Variants in SLC44A3 observed in about 807,000 individuals in gnomAD.
The protein encoded by SLC44A3 is choline transporter-like protein 3.
SLC44A3 carries 74 observed loss-of-function variants against 75.4 expected under a neutral mutation model. The observed-to-expected ratio is 0.98, with a 90% CI of 0.81 to 1.19. SLC44A3 has a LOEUF of 1.19. Ranked by LOEUF, SLC44A3 falls within the 50% of genes most tolerant of loss-of-function variation. SLC44A3 has a pLI of 0.00. For synonymous variants in SLC44A3, 310 were observed against 296.9 expected (o/e 1.04, Z -0.45); for missense variants, 700 against 778.6 (o/e 0.90, Z 1.20).
At chr1:94,864,413 G>A (rs963806623) in intron 10 of SLC44A3, among the ~76,000 whole-genome samples, 4 of 152,222 alleles carry the variant, frequency 2.6e-5, no homozygotes, top group Admixed American at 1.3e-4. Flanking sequence ...AGATTGTGCC[G>A]CAATTAAAAT....
intron 14 of SLC44A3, among the ~76,000 whole-genome samples, chr1:94,893,762 GC>G (rs1670474907): frequency 6.6e-6 from 1 of 152,118 alleles, no homozygotes; most frequent in Non-Finnish European, 1.5e-5. Context: ...TATGTAGCTA[GC>G]CAGGTCTCCA....
At chr1:94,892,615 CTCTT>C in intron 14 of SLC44A3, 98 bp downstream of exon 14, 1 of 1,195,804 alleles carries the variant, frequency 8.4e-7, no homozygotes, top group East Asian at 2.3e-5. Context: ...CCCAGCCTCT[CTCTT>C]CTAGAGGGCT....
At position 94,895,067 on chromosome 1, in the gene SLC44A3, T is replaced by TA. The variant is rs1193704606; in HGVS notation, c.*146dup. The stretch of plus-strand genomic sequence containing the variant: ...TATTCTTCCTCATTGTCTTTGTCAT[T>TA]ATTGTTTGACCAGGTAACAATACTG... On this transcript the variant is annotated 3_prime_UTR_variant, in exon 15 of 15. Coordinates refer to ENST00000271227, the MANE Select transcript of SLC44A3 (RefSeq NM_001114106.3). 1.6e-6 allele frequency: 1 copy of TA among 615,376 alleles called. No individual in the cohort carries two copies. Among genetic ancestry groups the TA allele is most frequent in the African/African-American group, 1.8e-5 (1 of 54,094 alleles). The allele number at this position is 615,376 out of a possible 1,614,324, so 38.1% of individuals were successfully genotyped here.
chr1:94,837,864 C>T lies in SLC44A3; in HGVS notation c.663C>T (p.Leu221=), dbSNP rs748298069. 10 of 1,590,438 alleles carry T rather than the reference C, an allele frequency of 6.3e-6. No homozygotes were observed. In the Admixed American group the frequency reaches 7.4e-5, roughly 12 times the overall value. Residue 221 remains leucine (L), a synonymous_variant, in exon 6 of 15, where the codon CTC becomes CTT. Coordinates refer to ENST00000271227, the MANE Select transcript of SLC44A3 (RefSeq NM_001114106.3). Reference sequence around the variant, plus strand: ...ATACAATCCTTGGCCTGTGTATCCTCGCATTAGGTAATTCTCAGTTAAGTT... The same window carrying T: ...ATACAATCCTTGGCCTGTGTATCCTTGCATTAGGTAATTCTCAGTTAAGTT... ...GRDTILGLCI[L]ALALSLAMMF... is the part of the protein sequence containing the mutation.
Position 94,828,518 on chromosome 1 carries a change from G to T in SLC44A3, c.441G>T (p.Leu147Phe). Reference protein sequence around the residue: ...TSGSFLCVYSLNSFNYTHSPK... With the variant: ...TSGSFLCVYSFNSFNYTHSPK... ...GGTCCTTCCTGTGTGTTTATAGTTT[G>T]AATTCCTTCAACTATACCCACAGTC... The change falls in exon 5 of 15, where the codon TTG becomes TTT. Residue 147 changes from leucine (L) to phenylalanine (F), a missense_variant. Physicochemically the swap from Leu to Phe is conservative, Grantham distance 22 (BLOSUM62 0). Transcript: ENST00000271227. 6.2e-7 allele frequency: 1 copy of T among 1,613,832 alleles called. No individual in the cohort carries two copies. Among genetic ancestry groups the T allele is most frequent in the Non-Finnish European group, 8.5e-7 (1 of 1,179,872 alleles).
intron 10 of SLC44A3, among the ~76,000 whole-genome samples, chr1:94,861,443 A>G (rs1666559223): frequency 6.6e-6 from 1 of 152,250 alleles, no homozygotes; most frequent in South Asian, 2.1e-4. Flanking sequence ...ATGGGGGAAG[A>G]AAACTGCTGT....
intron 9 of SLC44A3, among the ~76,000 whole-genome samples, chr1:94,856,862 C>A (rs1025055841): frequency 1.3e-5 from 2 of 152,148 alleles, no homozygotes; most frequent in South Asian, 2.1e-4. Context: ...TTCCGAATAG[C>A]TGGAACTACA....
intron 13 of SLC44A3, 75 bp from the exon 14 acceptor site, chr1:94,892,206 C>A: frequency 7.5e-7 from 1 of 1,336,658 alleles, no homozygotes; most frequent in Non-Finnish European, 1.1e-6. Context: ...GTATATTAAA[C>A]CATTACTTGT....
intron 12 of SLC44A3, among the ~76,000 whole-genome samples, chr1:94,884,432 G>A (rs527365429): frequency 1.3e-5 from 2 of 152,354 alleles, no homozygotes; most frequent in South Asian, 4.1e-4. Flanking sequence ...GCCCCTGGAT[G>A]TATGGGGATG....
chr1:94,866,192 G>T (rs1421018622), intron 11 of SLC44A3, among the ~76,000 whole-genome samples: 1 of 152,168 alleles, frequency 6.6e-6, no homozygotes, highest in African/African-American at 2.4e-5. Context: ...TGTGATATGT[G>T]TGTGTGCGCA....
chr1:94,862,393 T>A (rs1666679549), intron 10 of SLC44A3, among the ~76,000 whole-genome samples: 2 of 152,228 alleles, frequency 1.3e-5, no homozygotes, highest in Non-Finnish European at 1.5e-5. Flanking sequence ...AGGACCATGA[T>A]GCGGCTTGCC....
At chr1:94,890,385 G>A (rs1291623042) in intron 12 of SLC44A3, among the ~76,000 whole-genome samples, 1 of 152,170 alleles carries the variant, frequency 6.6e-6, no homozygotes, top group Non-Finnish European at 1.5e-5. Flanking sequence ...TCCAAGGGTT[G>A]TTATCTGTAG....
intron 7 of SLC44A3, among the ~76,000 whole-genome samples, 186 bp from the exon 8 acceptor site, chr1:94,841,814 C>T (rs946908100): frequency 3.3e-5 from 5 of 152,160 alleles, no homozygotes; most frequent in Non-Finnish European, 7.4e-5. Flanking sequence ...TATGGGTTGC[C>T]CTGGCTCTGC....
chr1:94,854,650 C>T (rs554684464), intron 9 of SLC44A3, among the ~76,000 whole-genome samples: 27 of 152,356 alleles, frequency 1.8e-4, no homozygotes, highest in African/African-American at 6.5e-4. Flanking sequence ...CTAGATCCAA[C>T]CTGTTTCCCG....
intron 5 of SLC44A3, among the ~76,000 whole-genome samples, chr1:94,837,458 T>A (rs1172980711): frequency 6.6e-6 from 1 of 152,202 alleles, no homozygotes; most frequent in Admixed American, 6.5e-5. Flanking sequence ...TTTTTAAAAA[T>A]GTTGCTCCCC....
intron 10 of SLC44A3, among the ~76,000 whole-genome samples, chr1:94,861,590 T>C (rs1168917535): frequency 6.6e-6 from 1 of 152,246 alleles, no homozygotes; most frequent in Non-Finnish European, 1.5e-5. Flanking sequence ...TAAAGAGCTC[T>C]GCTTCCTTTT....
At chr1:94,835,536 T>C (rs1662667024) in intron 5 of SLC44A3, among the ~76,000 whole-genome samples, 1 of 152,226 alleles carries the variant, frequency 6.6e-6, no homozygotes, top group Non-Finnish European at 1.5e-5. Context: ...CGTTACAATT[T>C]TTTTGTAACT....
At position 94,857,514 on chromosome 1, in the gene SLC44A3, T is replaced by C; in HGVS notation, c.1238+14T>C. The C allele has an allele frequency of 6.2e-7, 1 of 1,600,800 alleles. No individual in the cohort carries two copies. Among genetic ancestry groups the C allele is most frequent in the South Asian group, 1.1e-5 (1 of 88,740 alleles). ...TTATTTCAACAGGTAGGTCCAGTGT[T>C]TTTTTTCTATTGGTTTGTCTATGTG... On this transcript the variant is annotated intron_variant, in intron 10 of 14. Transcript: ENST00000271227.
chr1:94,843,596 T>C (rs1423701793), intron 8 of SLC44A3: 1 of 152,074 alleles, frequency 6.6e-6, no homozygotes, highest in African/African-American at 2.4e-5. Flanking sequence ...CCAGCAAAGC[T>C]GGAAGAGAAA....
Sources: allele counts gnomAD v4.1 joint callset (sites outside exome capture counted in the v4.1 genomes callset), GRCh38; gene constraint gnomAD v4.1.1; transcripts MANE v1.5; gene names NCBI Gene and HGNC (gene_info 2026-07-23, HGNC 2026-07-21).